Variants in EP400 observed in about 807,000 individuals in gnomAD.
EP400 encodes E1A-binding protein p400.
Under a neutral mutation model 354.1 loss-of-function variants are expected in EP400, and 105 were observed. The ratio of observed to expected loss-of-function variants is 0.30; its 90% CI spans 0.25 to 0.35. EP400 has a LOEUF of 0.35. EP400 is among the 10% of genes least tolerant of loss of function. The pLI is 1.00. For synonymous variants in EP400, 1,646 were observed against 1,716.9 expected (o/e 0.96, Z 1.02); for missense variants, 3,280 against 4,121.0 (o/e 0.80, Z 5.59).
intron 2 of EP400, among the ~76,000 whole-genome samples, chr12:131,973,384 A>G (rs1273756377): frequency 2.0e-5 from 3 of 152,124 alleles, no homozygotes; most frequent in Admixed American, 1.3e-4. Flanking sequence ...ACCATTCTAA[A>G]AAGAGTTTAA....
At chr12:131,991,273 T>G (rs751941826) in intron 9 of EP400, 134 bp from the exon 10 acceptor site, 60 of 791,396 alleles carry the variant, frequency 7.6e-5, no homozygotes, top group East Asian at 4.0e-4. Context: ...GTGATGATGA[T>G]GAGGAGGCAG....
intron 2 of EP400, among the ~76,000 whole-genome samples, chr12:131,969,710 T>C (rs1892225571): frequency 6.6e-6 from 1 of 152,230 alleles, no homozygotes; most frequent in African/African-American, 2.4e-5. Context: ...AATAGTAATT[T>C]GATTCTGCTA....
rs1290513072 is a variant in EP400, at chr12:131,960,941, G to T, written c.322G>T (p.Ala108Ser). The T allele has an allele frequency of 1.2e-6, 2 of 1,612,978 alleles. No individual in the cohort carries two copies. Among genetic ancestry groups the T allele is most frequent in the African/African-American group, 2.7e-5 (2 of 74,810 alleles). Reference protein sequence around the residue: ...SPTSPGFQFSAQPRRFEHGSP... With the variant: ...SPTSPGFQFSSQPRRFEHGSP... Reference sequence around the variant, plus strand: ...CACCTCTCCAGGCTTCCAGTTCAGCGCTCAGCCTCGGCGGTTTGAGCATGG... The same window carrying T: ...CACCTCTCCAGGCTTCCAGTTCAGCTCTCAGCCTCGGCGGTTTGAGCATGG... The change falls in exon 2 of 53, where the codon GCT becomes TCT. Residue 108 changes from alanine (A) to serine (S), a missense_variant. Ala to Ser is a moderately conservative substitution (Grantham distance 99). This residue lies in a region of EP400 where 172 missense variants were observed against 242.9 expected (regional missense o/e 0.71). Coordinates refer to ENST00000389561, the MANE Select transcript of EP400 (RefSeq NM_015409.5).
At chr12:131,976,012 C>T (rs1312931928) in intron 2 of EP400, among the ~76,000 whole-genome samples, 2 of 152,144 alleles carry the variant, frequency 1.3e-5, no homozygotes, top group Non-Finnish European at 2.9e-5. Flanking sequence ...GATTTTTTCA[C>T]ATCTCCACAC....
chr12:132,037,982 T>C lies in EP400; in HGVS notation c.6093T>C (p.Tyr2031=). ...CCATCCAGGAGCTGTTTGAAGTTTA[T>C]TCTCCCATGGATGATGCTGGCTTCC... ...QRTIQELFEV[Y]SPMDDAGFPV... The change falls in exon 32 of 53, where the codon TAT becomes TAC. Residue 2031 remains tyrosine (Y), a synonymous_variant. Coordinates refer to ENST00000389561, the MANE Select transcript of EP400 (RefSeq NM_015409.5). 1 of 1,614,242 alleles carries C rather than the reference T, an allele frequency of 6.2e-7. No individual in the cohort carries two copies. Among genetic ancestry groups the C allele is most frequent in the East Asian group, 2.2e-5 (1 of 44,884 alleles).
rs1895415600 is a variant in EP400 at position 132,054,503 on chromosome 12, T to C, written c.7729-471T>C. On this transcript the variant is annotated intron_variant, in intron 43 of 52. Transcript: ENST00000389561. The surrounding 1 kb of genome is among the most constrained non-coding windows in gnomAD (Gnocchi z 4.0). ...GGCGGGAGGAGTCAGGGTGGCACAA[T>C]GCAGGACTGGCTTGTTAGGAAACAC... Among the ~76,000 whole-genome samples the C allele has an allele frequency of 6.6e-6, 1 of 152,200 alleles. No individual in the cohort carries two copies. The highest frequency in any genetic ancestry group is 2.4e-5 in the African/African-American group (1 of 41,446).
chr12:131,979,890 C>T, intron 3 of EP400, 97 bp downstream of exon 3: 1 of 957,270 alleles, frequency 1.0e-6, no homozygotes, highest in Middle Eastern at 3.1e-4. Flanking sequence ...AGTTGCTAAA[C>T]TTGGTTTCTT....
intron 12 of EP400, among the ~76,000 whole-genome samples, chr12:131,999,491 T>G (rs1893333852): frequency 6.6e-6 from 1 of 152,174 alleles, no homozygotes; most frequent in Non-Finnish European, 1.5e-5. Context: ...CAGGCTGGAG[T>G]GCAGTGGCAC....
At chr12:132,069,901 G>A (rs1896019441) in intron 51 of EP400, among the ~76,000 whole-genome samples, 1 of 152,142 alleles carries the variant, frequency 6.6e-6, no homozygotes, top group Non-Finnish European at 1.5e-5. Context: ...GGGTACAGCT[G>A]CCCTCTCCCA....
At chr12:132,031,876 T>G in intron 29 of EP400, 77 bp from the exon 30 acceptor site, 2 of 1,450,470 alleles carry the variant, frequency 1.4e-6, no homozygotes, top group Non-Finnish European at 1.9e-6. Context: ...TATTTCTAAT[T>G]AATAAATGTT....
chr12:132,011,844 C>CGCA lies in EP400; in HGVS notation c.3441+212_3441+214dup, dbSNP rs150884480. Among the ~76,000 whole-genome samples the CGCA allele has an allele frequency of 9.4e-3, 1,427 of 152,296 alleles. 20 individuals are homozygous for CGCA. Among genetic ancestry groups the CGCA allele is most frequent in the African/African-American group, 0.032 (1,340 of 41,562 alleles). Reference sequence around the variant, plus strand: ...TTCCTTGTGAGGAGGGCCACGCACTCGCAGGCCCAGGTGTGCACAGATCTC... The same window carrying CGCA: ...TTCCTTGTGAGGAGGGCCACGCACTCGCAGCAGGCCCAGGTGTGCACAGATCTC... On this transcript the variant is annotated intron_variant, in intron 16 of 52. Coordinates refer to ENST00000389561, the MANE Select transcript of EP400 (RefSeq NM_015409.5).
intron 32 of EP400, among the ~76,000 whole-genome samples, chr12:132,041,165 C>T (rs980395710): frequency 3.3e-5 from 5 of 152,230 alleles, no homozygotes; most frequent in South Asian, 2.1e-4. Context: ...GTGCTGTACT[C>T]GTACCTGCCG....
intron 27 of EP400, among the ~76,000 whole-genome samples, chr12:132,028,600 TC>T (rs1437290009): frequency 2.0e-5 from 3 of 152,252 alleles, no homozygotes; most frequent in East Asian, 3.9e-4. Context: ...TTTGACTCTT[TC>T]AAAAAATGAT....
rs1230732074 is a variant in EP400, at chr12:132,013,758, AAAC to A, written c.3787-17_3787-15del. ...GCAGCATTTTTGGAAAGAAAACAGT[AAAC>A]AGTTTTTATTTTCAGGTGACACAGC... is the stretch of plus-strand genomic sequence containing the variant. On this transcript the variant is annotated splice_polypyrimidine_tract_variant and intron_variant, in intron 18 of 52. Coordinates refer to ENST00000389561, the MANE Select transcript of EP400 (RefSeq NM_015409.5). The surrounding 1 kb of genome is among the most constrained non-coding windows in gnomAD (Gnocchi z 4.5). The A allele has an allele frequency of 1.2e-6, 2 of 1,612,718 alleles. No homozygotes were observed. Among genetic ancestry groups the A allele is most frequent in the South Asian group, 2.2e-5 (2 of 90,778 alleles).
At position 132,050,255 on chromosome 12, in the gene EP400, C is replaced by G. The variant is rs147640934; in HGVS notation, c.7201-68C>G. 6.2e-3 allele frequency: 9,745 copies of G among 1,582,958 alleles called. 43 individuals carry two copies. The highest frequency in any genetic ancestry group is 6.4e-3 in the Non-Finnish European group (7,450 of 1,160,162). ...AGCCTCAGATTCCCACCCAGTGAGC[C>G]CTGTGTCCCACGCAGCCGTCTGTCC... On this transcript the variant is annotated intron_variant, in intron 39 of 52. Transcript: ENST00000389561. This position sits in a 1 kb window ranked among gnomAD's most constrained non-coding sequence, Gnocchi z 4.8.
chr12:131,969,560 C>T (rs527532686), intron 2 of EP400, among the ~76,000 whole-genome samples: 92 of 152,296 alleles, frequency 6.0e-4, no homozygotes, highest in African/African-American at 2.1e-3. Context: ...ATACTTCCGA[C>T]ATACCTCTCT....
At chr12:131,988,370 C>G (rs1455856677) in intron 7 of EP400, among the ~76,000 whole-genome samples, 1 of 152,182 alleles carries the variant, frequency 6.6e-6, no homozygotes, top group Non-Finnish European at 1.5e-5. Flanking sequence ...CCTGGCTTTG[C>G]CTGGCAGTTG....
chr12:132,031,859 G>T, intron 29 of EP400, 94 bp from the exon 30 acceptor site: 1 of 1,372,832 alleles, frequency 7.3e-7, no homozygotes, highest in Non-Finnish European at 1.0e-6. Flanking sequence ...CCGGCCTGCT[G>T]TGGGATTATT....
Position 132,018,090 on chromosome 12 carries a change from C to A in EP400, c.4111-120C>A. 8.0e-7 allele frequency: 1 copy of A among 1,251,344 alleles called. No homozygotes were observed. The highest frequency in any genetic ancestry group is 1.1e-6 in the Non-Finnish European group (1 of 893,650). The allele number at this position is 1,251,344 out of a possible 1,614,324, so 77.5% of individuals were successfully genotyped here. ...GGAGGAGGGTCTGCTTGCCGAGTGG[C>A]CGTTAGAGGGGGCGCGTCTGGATGC... On this transcript the variant is annotated intron_variant, in intron 20 of 52. Coordinates refer to ENST00000389561, the MANE Select transcript of EP400 (RefSeq NM_015409.5). The surrounding 1 kb of genome is among the most constrained non-coding windows in gnomAD (Gnocchi z 4.0).
Sources: gnomAD v4.1 joint callset for allele counts (sites outside exome capture counted in the v4.1 genomes callset) on GRCh38, gnomAD v4.1.1 for gene constraint, gnomAD v4.1.1 regional missense constraint, Gnocchi (gnomAD v3.1) non-coding constraint, MANE v1.5 for transcripts, NCBI Gene and HGNC (gene_info 2026-07-23, HGNC 2026-07-21) for gene names.